ACOXL: variants seen among roughly 807,000 people sequenced by gnomAD.
The protein encoded by ACOXL is acyl-CoA oxidase like, also known as acyl-coenzyme A oxidase-like protein.
A neutral mutation model predicts 71.9 loss-of-function variants in ACOXL; 70 were observed. The observed-to-expected ratio is 0.97, with a 90% CI of 0.80 to 1.19. The LOEUF (loss-of-function observed/expected upper bound fraction) is 1.19, where lower values mean the gene tolerates loss of function less well. Ranked by LOEUF, ACOXL falls within the 50% of genes most tolerant of loss-of-function variation. The probability of loss-of-function intolerance (pLI) is 0.00; values close to 1 mark genes in which losing one functional copy is unlikely to be tolerated. For missense variants in ACOXL, 703 were observed against 736.3 expected, an observed-to-expected ratio of 0.95 and a Z score of 0.52; for synonymous variants, 253 against 281.6, an observed-to-expected ratio of 0.90 and a Z score of 1.02.
At chr2:110,901,642 CCACACA>C (rs10537484) in intron 10 of ACOXL, among the ~76,000 whole-genome samples, 3,334 of 147,070 alleles carry the variant, frequency 0.023, 52 homozygotes, top group South Asian at 0.04. Context: ...TATCTCTACG[CCACACA>C]CACACACACA....
intron 9 of ACOXL, among the ~76,000 whole-genome samples, chr2:110,807,290 G>A (rs1336867994): frequency 6.6e-6 from 1 of 152,216 alleles, no homozygotes; most frequent in Non-Finnish European, 1.5e-5. Context: ...TAGGATGGTG[G>A]TGAGCCATGA....
At chr2:110,735,196 C>T (rs1323474363) in intron 1 of ACOXL, among the ~76,000 whole-genome samples, 1 of 152,134 alleles carries the variant, frequency 6.6e-6, no homozygotes, top group Non-Finnish European at 1.5e-5. Context: ...TCATATTGTA[C>T]TATCAGATTT....
At chr2:110,773,882 A>T (rs575406111) in intron 2 of ACOXL, among the ~76,000 whole-genome samples, 1 of 152,276 alleles carries the variant, frequency 6.6e-6, no homozygotes, top group Non-Finnish European at 1.5e-5. Flanking sequence ...AAGTCCCTCT[A>T]TGTAGATTGG....
At chr2:110,738,982 G>A (rs1046423590) in intron 1 of ACOXL, among the ~76,000 whole-genome samples, 1 of 151,918 alleles carries the variant, frequency 6.6e-6, no homozygotes, top group African/African-American at 2.4e-5. Context: ...ATCTGTTCTT[G>A]TTTTCTAGTT....
intron 14 of ACOXL, among the ~76,000 whole-genome samples, chr2:111,018,678 C>T (rs2064585247): frequency 6.7e-6 from 1 of 150,102 alleles, no homozygotes; most frequent in African/African-American, 2.5e-5. Flanking sequence ...AGTGAGGATG[C>T]AGCCCGAGCT....
chr2:110,779,897 GT>G (rs1300241603), intron 2 of ACOXL, among the ~76,000 whole-genome samples: 1 of 152,174 alleles, frequency 6.6e-6, no homozygotes, highest in Non-Finnish European at 1.5e-5. Flanking sequence ...ATAGGCAGGG[GT>G]TCTTAGAGGA....
intron 8 of ACOXL, among the ~76,000 whole-genome samples, chr2:110,805,054 A>G (rs1361568822): frequency 1.3e-5 from 2 of 152,194 alleles, no homozygotes; most frequent in African/African-American, 4.8e-5. Context: ...ATGTCTCAGG[A>G]AACCACTACC....
intron 10 of ACOXL, among the ~76,000 whole-genome samples, chr2:110,876,560 A>C (rs1695930365): frequency 6.6e-6 from 1 of 152,180 alleles, no homozygotes; most frequent in South Asian, 2.1e-4. Context: ...CAGCTTGCCC[A>C]GGACCCCTGT....
At chr2:110,821,031 G>C (rs1171725101) in intron 9 of ACOXL, among the ~76,000 whole-genome samples, 1 of 151,990 alleles carries the variant, frequency 6.6e-6, no homozygotes, top group East Asian at 1.9e-4. Context: ...CAAATATGAG[G>C]CATCTGTATG....
At chr2:110,993,603 C>G (rs2063271108) in intron 13 of ACOXL, among the ~76,000 whole-genome samples, 1 of 152,160 alleles carries the variant, frequency 6.6e-6, no homozygotes, top group Non-Finnish European at 1.5e-5. Flanking sequence ...TCTTGTATAA[C>G]CTTTTTTGTG....
chr2:110,932,685 A>T (rs796529437), intron 11 of ACOXL, among the ~76,000 whole-genome samples: 4 of 152,276 alleles, frequency 2.6e-5, no homozygotes, highest in African/African-American at 9.6e-5. Flanking sequence ...ATAATTTGGA[A>T]CCTGATCCTA....
chr2:110,983,015 T>A (rs540545125), intron 12 of ACOXL, among the ~76,000 whole-genome samples: 2 of 152,362 alleles, frequency 1.3e-5, no homozygotes, highest in Admixed American at 6.5e-5. Context: ...GAGCATGATA[T>A]GGGGCCCAGT....
At chr2:111,062,773 A>G (rs1266391559) in intron 16 of ACOXL, among the ~76,000 whole-genome samples, 1 of 152,148 alleles carries the variant, frequency 6.6e-6, no homozygotes, top group Non-Finnish European at 1.5e-5. Flanking sequence ...AAAGAGAAAA[A>G]TAAATGCAAA....
intron 1 of ACOXL, among the ~76,000 whole-genome samples, chr2:110,750,672 G>A (rs868770933): frequency 6.8e-6 from 1 of 147,910 alleles, no homozygotes; most frequent in Non-Finnish European, 1.5e-5. Flanking sequence ...TATGTGTATG[G>A]GTGTGTGTGT....
At chr2:111,111,707 A>G (rs1394544078) in intron 17 of ACOXL, among the ~76,000 whole-genome samples, 2 of 152,228 alleles carry the variant, frequency 1.3e-5, no homozygotes, top group African/African-American at 4.8e-5. Flanking sequence ...TGTTTTAGGT[A>G]ATGATGATTA....
At chr2:111,113,905 C>G (rs1010431358) in intron 17 of ACOXL, among the ~76,000 whole-genome samples, 1 of 152,136 alleles carries the variant, frequency 6.6e-6, no homozygotes, top group African/African-American at 2.4e-5. Flanking sequence ...AAATAATGGA[C>G]AGGAAATTAC....
At chr2:110,794,730 G>C (rs1200858982) in intron 5 of ACOXL, among the ~76,000 whole-genome samples, 1 of 152,142 alleles carries the variant, frequency 6.6e-6, no homozygotes, top group African/African-American at 2.4e-5. Context: ...TATGGTCAAT[G>C]CTGAGGTTTT....
intron 10 of ACOXL, among the ~76,000 whole-genome samples, chr2:110,865,315 G>A (rs1000091771): frequency 1.3e-5 from 2 of 152,206 alleles, no homozygotes; most frequent in Non-Finnish European, 2.9e-5. Context: ...GTAGGGTGGG[G>A]TTGGGCTGGA....
chr2:110,953,436 G>T (rs1274072733), intron 12 of ACOXL, among the ~76,000 whole-genome samples: 2 of 152,022 alleles, frequency 1.3e-5, no homozygotes, highest in African/African-American at 4.8e-5. Context: ...CTAGAGGCTG[G>T]TCAGTTTCCA....
Sources: gnomAD v4.1 joint callset for allele counts (sites outside exome capture counted in the v4.1 genomes callset) on GRCh38, gnomAD v4.1.1 for gene constraint, MANE v1.5 for transcripts, NCBI Gene and HGNC (gene_info 2026-07-23, HGNC 2026-07-21) for gene names.